Variants in EPC1 observed in about 807,000 individuals in gnomAD.
EPC1 encodes enhancer of polycomb homolog 1.
In EPC1, 12 loss-of-function variants were observed where a neutral mutation model predicts 98.4. That is an observed-to-expected ratio of 0.12 (90% confidence interval 0.08 to 0.20). The LOEUF (loss-of-function observed/expected upper bound fraction) is 0.20, where lower values mean the gene tolerates loss of function less well. Among genes scored for constraint, EPC1 ranks in the 10% least tolerant of loss-of-function variants. The pLI, the probability that EPC1 is intolerant of heterozygous loss-of-function variation, is 1.00. For synonymous variants in EPC1, 357 were observed against 363.9 expected (o/e 0.98, Z 0.21); for missense variants, 729 against 990.5 (o/e 0.74, Z 3.54).
At chr10:32,347,292 G>A (rs1838913584), upstream of EPC1, 3 of 815,022 alleles carry the variant, frequency 3.7e-6, no homozygotes, top group Non-Finnish European at 4.6e-6. Flanking sequence ...CCCGGCACCC[G>A]CCGGCCTCGC....
chr10:32,347,087 C>G lies in EPC1; in HGVS notation c.-172G>C. Reference sequence around the variant, plus strand: ...CAGCCGGGAGGGTGGGAGGCTGTGCCGCTCCGCTCCTCTCTCGCTCGCTCT... The same window carrying G: ...CAGCCGGGAGGGTGGGAGGCTGTGCGGCTCCGCTCCTCTCTCGCTCGCTCT... On this transcript the variant is annotated 5_prime_UTR_variant, in exon 1 of 14. Coordinates refer to ENST00000319778, the MANE Select transcript of EPC1 (RefSeq NM_001272004.3). The G allele has an allele frequency of 6.9e-7, 1 of 1,443,756 alleles. No individual in the cohort carries two copies. The highest frequency in any genetic ancestry group is 9.1e-7 in the Non-Finnish European group (1 of 1,104,966). 89.4% of individuals were successfully genotyped at this position (1,443,756 alleles called of 1,614,324 possible).
Position 32,294,553 on chromosome 10 carries a change from T to G in EPC1, c.314-816A>C, listed in dbSNP as rs149500130. On this transcript the variant is annotated intron_variant, in intron 2 of 13. Transcript: ENST00000319778. ...CTGCGGAGCATTTCAGATTTTGAGTTTTCAGCAGCTGTCACTCGGTGAGTA... is the reference window on the plus strand; with the variant it reads ...CTGCGGAGCATTTCAGATTTTGAGTGTTCAGCAGCTGTCACTCGGTGAGTA... Among the ~76,000 whole-genome samples the G allele has an allele frequency of 5.9e-5, 9 of 152,310 alleles. No homozygotes were observed. The East Asian group carries it at 1.2e-3, about 20-fold the overall frequency.
chr10:32,348,617 A>T (rs533763357), upstream of EPC1, among the ~76,000 whole-genome samples: 8 of 152,330 alleles, frequency 5.3e-5, no homozygotes, highest in South Asian at 1.7e-3. Flanking sequence ...AGCTCACTTA[A>T]GTGAGGCATA....
chr10:32,297,533 C>T (rs1271390261), intron 2 of EPC1, among the ~76,000 whole-genome samples: 1 of 151,928 alleles, frequency 6.6e-6, no homozygotes, highest in Non-Finnish European at 1.5e-5. Flanking sequence ...GTGATCTGCC[C>T]GCCTTGGCCT....
chr10:32,314,793 T>C (rs959463619), intron 1 of EPC1, among the ~76,000 whole-genome samples: 14 of 152,336 alleles, frequency 9.2e-5, no homozygotes, highest in African/African-American at 3.1e-4. Context: ...AGGCATAGGT[T>C]TTGCTAATGT....
At chr10:32,289,653 TCGCAC>T (rs1836888222) in intron 6 of EPC1, among the ~76,000 whole-genome samples, 1 of 151,784 alleles carries the variant, frequency 6.6e-6, no homozygotes. Context: ...AGACGGAGTC[TCGCAC>T]TGTAGCCCAA....
intron 1 of EPC1, among the ~76,000 whole-genome samples, chr10:32,312,455 A>G (rs1836295838): frequency 6.6e-6 from 1 of 152,226 alleles, no homozygotes; most frequent in African/African-American, 2.4e-5. Context: ...ACAGAAAACA[A>G]TCTAAAGTAT....
At chr10:32,295,111 C>A (rs1187935157) in intron 2 of EPC1, among the ~76,000 whole-genome samples, 2 of 152,148 alleles carry the variant, frequency 1.3e-5, no homozygotes, top group Non-Finnish European at 2.9e-5. Context: ...ACTTTATAAT[C>A]TGCTTGTTAA....
chr10:32,347,298 C>T (rs1236058748), upstream of EPC1: 4 of 755,844 alleles, frequency 5.3e-6, no homozygotes, highest in Admixed American at 1.1e-4. Flanking sequence ...ACCCGCCGGC[C>T]TCGCTTCCCG....
intron 1 of EPC1, among the ~76,000 whole-genome samples, chr10:32,353,548 C>T (rs1238393135): frequency 6.6e-6 from 1 of 152,122 alleles, no homozygotes; most frequent in African/African-American, 2.4e-5. Flanking sequence ...CTCATTTCTT[C>T]AAGCATTCAA....
intron 6 of EPC1, among the ~76,000 whole-genome samples, chr10:32,288,773 A>AG (rs778855124): frequency 2.0e-5 from 3 of 151,454 alleles, no homozygotes; most frequent in Non-Finnish European, 4.4e-5. Context: ...TAGGGCTCAG[A>AG]GGGGGGGACC....
At chr10:32,301,477 G>A (rs1835538521) in intron 2 of EPC1, among the ~76,000 whole-genome samples, 1 of 152,048 alleles carries the variant, frequency 6.6e-6, no homozygotes, top group African/African-American at 2.4e-5. Context: ...ATATCAAAAC[G>A]ATCTTGAAAA....
chr10:32,300,534 A>G (rs1389840609), intron 2 of EPC1, among the ~76,000 whole-genome samples: 1 of 150,602 alleles, frequency 6.6e-6, no homozygotes, highest in African/African-American at 2.4e-5. Context: ...CCCATGTTCA[A>G]GCAATTCTCC....
chr10:32,346,654 G>GC, intron 1 of EPC1, 109 bp downstream of exon 1: 1 of 1,090,106 alleles, frequency 9.2e-7, no homozygotes, highest in Non-Finnish European at 1.3e-6. Context: ...AGAGTCGGCG[G>GC]CGAAGAGAAG....
chr10:32,358,266 C>T (rs1286731765), intron 1 of EPC1, among the ~76,000 whole-genome samples: 1 of 152,080 alleles, frequency 6.6e-6, no homozygotes, highest in Non-Finnish European at 1.5e-5. Flanking sequence ...TTAAGAATTA[C>T]CCTCTTAAAG....
At chr10:32,350,402 G>C (rs985665486), upstream of EPC1, among the ~76,000 whole-genome samples, 3 of 152,210 alleles carry the variant, frequency 2.0e-5, no homozygotes, top group African/African-American at 7.2e-5. Flanking sequence ...CAGACAGCAT[G>C]GAGAAGCAGC....
chr10:32,310,680 C>A (rs917249060), intron 1 of EPC1, among the ~76,000 whole-genome samples: 1 of 152,286 alleles, frequency 6.6e-6, no homozygotes, highest in Admixed American at 6.5e-5. Context: ...TCAAGACCAG[C>A]CTGGCTAACA....
chr10:32,376,462 T>C (rs1477943795), intron 1 of EPC1, among the ~76,000 whole-genome samples: 3 of 152,100 alleles, frequency 2.0e-5, no homozygotes, highest in Non-Finnish European at 4.4e-5. Flanking sequence ...ACACCTGCAG[T>C]ATTTCATTCT....
rs531990178 is a variant in EPC1 at position 32,295,837 on chromosome 10, A to C, written c.314-2100T>G. On this transcript the variant is annotated intron_variant, in intron 2 of 13. Coordinates refer to ENST00000319778, the MANE Select transcript of EPC1 (RefSeq NM_001272004.3). ...GCACAGATTACAGAACATTTCCATCATCATAGAAAGTTCTATTAAAGAGCA... is the reference window on the plus strand; with the variant it reads ...GCACAGATTACAGAACATTTCCATCCTCATAGAAAGTTCTATTAAAGAGCA... Among the ~76,000 whole-genome samples the C allele has an allele frequency of 9.1e-4, 138 of 152,300 alleles. 1 individual carries two copies. Among genetic ancestry groups the C allele is most frequent in the African/African-American group, 3.2e-3 (135 of 41,566 alleles).
Sources: gnomAD v4.1 joint callset for allele counts (sites outside exome capture counted in the v4.1 genomes callset) on GRCh38, gnomAD v4.1.1 for gene constraint, MANE v1.5 for transcripts, NCBI Gene and HGNC (gene_info 2026-07-23, HGNC 2026-07-21) for gene names.